ZZZ3: variants seen among roughly 807,000 people sequenced by gnomAD.
ZZZ3 encodes the protein zinc finger ZZ-type containing 3.
ZZZ3 carries 22 observed loss-of-function variants against 95.2 expected under a neutral mutation model. The ratio of observed to expected loss-of-function variants is 0.23; its 90% confidence interval spans 0.17 to 0.33. The LOEUF is 0.33. Ranked by LOEUF, ZZZ3 falls within the 10% of genes least tolerant of loss-of-function variation. ZZZ3 has a pLI of 1.00. For missense variants in ZZZ3, 885 were observed against 1,066.5 expected, an observed-to-expected ratio of 0.83 and a Z score of 2.37; for synonymous variants, 335 against 358.9, an observed-to-expected ratio of 0.93 and a Z score of 0.75.
chr1:77,612,238 T>C (rs1433625330), intron 5 of ZZZ3, among the ~76,000 whole-genome samples: 1 of 151,896 alleles, frequency 6.6e-6, no homozygotes, highest in African/African-American at 2.4e-5. Context: ...GTCCACTATA[T>C]GATATAACCT....
At chr1:77,600,183 T>C (rs1664598625) in intron 5 of ZZZ3, among the ~76,000 whole-genome samples, 1 of 152,158 alleles carries the variant, frequency 6.6e-6, no homozygotes, top group Admixed American at 6.6e-5. Context: ...TTTTGTTTAT[T>C]TGGCTTAAAA....
intron 5 of ZZZ3, chr1:77,584,902 C>A: frequency 3.7e-6 from 1 of 268,616 alleles, no homozygotes; most frequent in East Asian, 6.6e-5. Flanking sequence ...TGAACCTGAA[C>A]AAGTACCAAA....
At chr1:77,663,096 C>G (rs940120179) in intron 1 of ZZZ3, among the ~76,000 whole-genome samples, 6 of 151,110 alleles carry the variant, frequency 4.0e-5, no homozygotes, top group African/African-American at 1.5e-4. Context: ...CACAGTGAGA[C>G]CCGGTCTCAA....
intron 5 of ZZZ3, among the ~76,000 whole-genome samples, chr1:77,617,450 C>T (rs6603956): frequency 0.63 from 95,896 of 151,910 alleles, 31,770 homozygotes; most frequent in Non-Finnish European, 0.74. Context: ...ATTCATATTG[C>T]AGCTTCATTC....
At chr1:77,609,165 C>T (rs1665531751) in intron 5 of ZZZ3, among the ~76,000 whole-genome samples, 3 of 151,956 alleles carry the variant, frequency 2.0e-5, no homozygotes, top group African/African-American at 7.3e-5. Context: ...TAAAGACAGA[C>T]ATACACTGAA....
chr1:77,584,486 T>C (rs750450966), intron 6 of ZZZ3, 31 bp downstream of exon 6: 11 of 1,577,404 alleles, frequency 7.0e-6, no homozygotes, highest in African/African-American at 1.4e-5. Flanking sequence ...AAATAGATCT[T>C]AGTAAATCTT....
At chr1:77,586,519 G>A (rs1245369758) in intron 5 of ZZZ3, among the ~76,000 whole-genome samples, 1 of 152,172 alleles carries the variant, frequency 6.6e-6, no homozygotes, top group Non-Finnish European at 1.5e-5. Context: ...ACACTGGGAA[G>A]AAGGGCCTCT....
intron 1 of ZZZ3, among the ~76,000 whole-genome samples, chr1:77,666,221 C>T (rs1239984085): frequency 6.6e-6 from 1 of 151,796 alleles, no homozygotes; most frequent in Non-Finnish European, 1.5e-5. Flanking sequence ...AACCTTGTTC[C>T]AACACTTTAC....
At chr1:77,668,606 C>A (rs1671459523) in intron 1 of ZZZ3, among the ~76,000 whole-genome samples, 1 of 151,156 alleles carries the variant, frequency 6.6e-6, no homozygotes, top group Non-Finnish European at 1.5e-5. Flanking sequence ...TATGATCGCA[C>A]CACTGCATTC....
intron 10 of ZZZ3, 75 bp from the exon 11 acceptor site, chr1:77,578,944 G>A (rs1040129101): frequency 4.6e-5 from 33 of 712,096 alleles, no homozygotes; most frequent in East Asian, 3.7e-4. Flanking sequence ...AAATTAAAAC[G>A]TACATGAGTA....
At chr1:77,619,195 T>G (rs1409546054) in intron 5 of ZZZ3, among the ~76,000 whole-genome samples, 1 of 152,108 alleles carries the variant, frequency 6.6e-6, no homozygotes, top group Admixed American at 6.5e-5. Context: ...TACATAAAAG[T>G]TTCATATAAC....
At chr1:77,581,144 A>T in intron 8 of ZZZ3, 75 bp from the exon 9 acceptor site, 8 of 1,129,572 alleles carry the variant, frequency 7.1e-6, no homozygotes. Flanking sequence ...ATAACACGCA[A>T]ATTGTGGAAT....
chr1:77,617,126 T>A (rs1352035245), intron 5 of ZZZ3, among the ~76,000 whole-genome samples: 1 of 152,182 alleles, frequency 6.6e-6, no homozygotes, highest in Non-Finnish European at 1.5e-5. Flanking sequence ...GTTTCATCTG[T>A]CTGTGGTAAA....
chr1:77,615,207 C>A (rs1043096393), intron 5 of ZZZ3, among the ~76,000 whole-genome samples: 1 of 152,158 alleles, frequency 6.6e-6, no homozygotes, highest in African/African-American at 2.4e-5. Context: ...AAGGGTCATT[C>A]GAATTTCAAC....
chr1:77,566,149 A>T lies in ZZZ3; in HGVS notation c.2499T>A (p.Gly833=). ...GACAATCCTGGCAATGCCACCGAAC[A>T]CCCTGGATGGGTTCTATGCCACAGT... is the stretch of plus-strand genomic sequence containing the variant. The part of the protein sequence containing the change: ...CDNCGIEPIQ[G]VRWHCQDCPP... Residue 833 remains glycine (G), a synonymous_variant, in exon 14 of 15, where the codon GGT becomes GGA. Coordinates refer to ENST00000370801, the MANE Select transcript of ZZZ3 (RefSeq NM_015534.6). 1 of 1,613,044 alleles carries T rather than the reference A, an allele frequency of 6.2e-7. No homozygotes were observed. Among genetic ancestry groups the T allele is most frequent in the Non-Finnish European group, 8.5e-7 (1 of 1,179,408 alleles).
intron 5 of ZZZ3, among the ~76,000 whole-genome samples, chr1:77,620,377 T>C (rs933492001): frequency 7.9e-5 from 12 of 151,034 alleles, no homozygotes; most frequent in African/African-American, 2.7e-4. Context: ...TAAGAATTCA[T>C]TGGCAAAGTA....
At chr1:77,610,225 A>C (rs955176962) in intron 5 of ZZZ3, among the ~76,000 whole-genome samples, 13 of 151,908 alleles carry the variant, frequency 8.6e-5, no homozygotes, top group Non-Finnish European at 1.0e-4. Flanking sequence ...AAAATCTGGA[A>C]TAGATAAATT....
intron 14 of ZZZ3, 98 bp downstream of exon 14, chr1:77,565,983 G>T: frequency 8.9e-7 from 1 of 1,126,824 alleles, no homozygotes; most frequent in Non-Finnish European, 1.3e-6. Context: ...ACTAAGTGTG[G>T]GTATTAATAT....
intron 5 of ZZZ3, among the ~76,000 whole-genome samples, chr1:77,590,418 A>G (rs1230860097): frequency 6.6e-6 from 1 of 152,234 alleles, no homozygotes; most frequent in Non-Finnish European, 1.5e-5. Flanking sequence ...TAGGAGTCTA[A>G]CTAAAGTTTT....
Sources: gnomAD v4.1 joint callset for allele counts (sites outside exome capture counted in the v4.1 genomes callset) on GRCh38, gnomAD v4.1.1 for gene constraint, MANE v1.5 for transcripts, NCBI Gene and HGNC (gene_info 2026-07-23, HGNC 2026-07-21) for gene names.